The following IGSF10 variants were observed in gnomAD, a reference collection of about 807,000 sequenced individuals.
IGSF10 encodes immunoglobulin superfamily member 10.
Under a neutral mutation model 128.2 loss-of-function variants are expected in IGSF10, and 126 were observed. That is an observed-to-expected ratio of 0.98 (90% CI 0.85 to 1.14). IGSF10 has a LOEUF of 1.14. Ranked by LOEUF, IGSF10 falls within the 50% of genes most tolerant of loss-of-function variation. IGSF10 has a pLI of 0.00. For missense variants in IGSF10, 3,295 were observed against 3,149.8 expected, an observed-to-expected ratio of 1.05 and a Z score of -1.10; for synonymous variants, 1,185 against 1,146.2, an observed-to-expected ratio of 1.03 and a Z score of -0.68.
the IGSF10 span, among the ~76,000 whole-genome samples, chr3:151,542,282 CATAAT>C: frequency 3.9e-5 from 6 of 152,008 alleles, no homozygotes; most frequent in Admixed American, 6.6e-5. Context: ...TAATATTGGA[CATAAT>C]ATAAGACACA....
intron 7 of IGSF10, among the ~76,000 whole-genome samples, chr3:151,442,276 C>T (rs575921503): frequency 2.6e-5 from 4 of 151,744 alleles, no homozygotes; most frequent in East Asian, 1.9e-4. Context: ...GGGACTCAGA[C>T]GAGTAAAATA....
chr3:151,514,226 A>G, the IGSF10 span, among the ~76,000 whole-genome samples: 1 of 152,284 alleles, frequency 6.6e-6, no homozygotes, highest in African/African-American at 2.4e-5. Flanking sequence ...AAACTATACT[A>G]CAAGGTTACA....
chr3:151,434,473 C>T (rs770864400), downstream of IGSF10: 13 of 152,206 alleles, frequency 8.5e-5, no homozygotes, highest in Admixed American at 2.6e-4. Context: ...TTTGCCAAAA[C>T]ATTAAAAACT....
the IGSF10 span, among the ~76,000 whole-genome samples, chr3:151,570,509 G>A: frequency 1.3e-5 from 2 of 152,170 alleles, no homozygotes; most frequent in Non-Finnish European, 2.9e-5. Context: ...TTTTTCATGT[G>A]TCTGTTGGCT....
At chr3:151,526,074 G>A in the IGSF10 span, among the ~76,000 whole-genome samples, 4 of 152,170 alleles carry the variant, frequency 2.6e-5, no homozygotes, top group Non-Finnish European at 5.9e-5. Flanking sequence ...GAGCATCTTA[G>A]TGTCAGGAGT....
rs757122062 is a variant in IGSF10, at chr3:151,453,684, T to C, written c.415A>G (p.Asn139Asp). 2 of 1,612,788 alleles carry C rather than the reference T, an allele frequency of 1.2e-6. No individual in the cohort carries two copies. The highest frequency in any genetic ancestry group is 1.7e-6 in the Non-Finnish European group (2 of 1,178,858). ...RSLTRLHMDH[N>D]NIEFINPEVF... ...TCTGGGTTTATAAACTCAATATTGTTGTGGTCCATGTGCAATCGTGTCAAG... is the reference window on the plus strand; with the variant it reads ...TCTGGGTTTATAAACTCAATATTGTCGTGGTCCATGTGCAATCGTGTCAAG... The change falls in exon 5 of 8, where the codon AAC (asparagine) becomes GAC (aspartate). Residue 139 changes from asparagine to aspartate, a missense_variant. By Grantham distance (23) the Asn-to-Asp change is conservative. Coordinates refer to ENST00000282466, the MANE Select transcript of IGSF10 (RefSeq NM_178822.5).
Position 151,447,678 on chromosome 3 carries a change from A to G in IGSF10, c.2303T>C (p.Met768Thr). ...TGTGGTATTTTCTCGCTTGTCTGGC[A>G]TAGCATTCTTTTTAGCTTTCTCCAA... is the stretch of plus-strand genomic sequence containing the variant. ...ALLEKAKKNA[M>T]PDKRENTTVS... The change falls in exon 6 of 8, where the codon ATG becomes ACG. Residue 768 changes from methionine to threonine, a missense_variant. Physicochemically the swap from Met to Thr is moderately conservative, Grantham distance 81. Coordinates refer to ENST00000282466, the MANE Select transcript of IGSF10 (RefSeq NM_178822.5). The G allele has an allele frequency of 6.2e-7, 1 of 1,614,164 alleles. No individual in the cohort carries two copies. Among genetic ancestry groups the G allele is most frequent in the Non-Finnish European group, 8.5e-7 (1 of 1,180,036 alleles).
At chr3:151,570,473 C>A in the IGSF10 span, among the ~76,000 whole-genome samples, 33 of 152,318 alleles carry the variant, frequency 2.2e-4, no homozygotes, top group South Asian at 2.3e-3. Context: ...ATTTGCATTT[C>A]TCTGATGGCC....
downstream of IGSF10, chr3:151,434,992 T>TAAAG (rs1719943233): frequency 6.8e-6 from 1 of 148,056 alleles, no homozygotes; most frequent in South Asian, 2.1e-4. Context: ...CTGCGCATTA[T>TAAAG]AAAGAAAATA....
the IGSF10 span, among the ~76,000 whole-genome samples, chr3:151,494,783 T>A: frequency 1.3e-5 from 2 of 152,156 alleles, no homozygotes; most frequent in Non-Finnish European, 2.9e-5. Context: ...TATGTCTCTA[T>A]AAAATTCATG....
the IGSF10 span, among the ~76,000 whole-genome samples, chr3:151,606,343 G>A: frequency 1.2e-4 from 18 of 152,082 alleles, no homozygotes; most frequent in South Asian, 1.5e-3. Context: ...AAGACAAACC[G>A]GTAAGCTTTT....
At chr3:151,487,124 T>A in the IGSF10 span, among the ~76,000 whole-genome samples, 2 of 151,454 alleles carry the variant, frequency 1.3e-5, no homozygotes, top group Non-Finnish European at 2.9e-5. Flanking sequence ...ATCAAATAGG[T>A]GCAATAAAAA....
chr3:151,518,598 T>TCAAAATATATATCCA, the IGSF10 span, among the ~76,000 whole-genome samples: 1 of 151,968 alleles, frequency 6.6e-6, no homozygotes, highest in African/African-American at 2.4e-5. Flanking sequence ...AGAGAGGGTG[T>TCAAAATATATATCCA]TTTTCAAAAT....
At chr3:151,549,859 CTTA>C in the IGSF10 span, among the ~76,000 whole-genome samples, 5 of 152,014 alleles carry the variant, frequency 3.3e-5, no homozygotes, top group Non-Finnish European at 7.4e-5. Context: ...AATTCCTTTT[CTTA>C]TAAGAGTATT....
At chr3:151,551,784 TATTA>T in the IGSF10 span, among the ~76,000 whole-genome samples, 168 of 152,248 alleles carry the variant, frequency 1.1e-3, 1 homozygote, top group Admixed American at 9.6e-3. Context: ...GCAATTTAAA[TATTA>T]ATTGAGGATC....
At chr3:151,485,918 A>G in the IGSF10 span, among the ~76,000 whole-genome samples, 1 of 152,210 alleles carries the variant, frequency 6.6e-6, no homozygotes, top group Non-Finnish European at 1.5e-5. Flanking sequence ...ACCAGCTAGC[A>G]TCATAATGCC....
the IGSF10 span, among the ~76,000 whole-genome samples, chr3:151,618,659 G>A: frequency 6.6e-6 from 1 of 151,612 alleles, no homozygotes; most frequent in African/African-American, 2.4e-5. Flanking sequence ...GAACCCAGGA[G>A]GCGGAGCTTA....
intron 7 of IGSF10, among the ~76,000 whole-genome samples, chr3:151,441,725 A>G (rs778675240): frequency 6.6e-6 from 1 of 152,188 alleles, no homozygotes; most frequent in Non-Finnish European, 1.5e-5. Context: ...AGCTATAATT[A>G]TTGATTTTTG....
the IGSF10 span, among the ~76,000 whole-genome samples, chr3:151,511,119 C>A: frequency 6.6e-6 from 1 of 152,028 alleles, no homozygotes. Flanking sequence ...GAGAACGCCA[C>A]AAAGATACTC....
Sources: gnomAD v4.1 joint callset for allele counts (sites outside exome capture counted in the v4.1 genomes callset) on GRCh38, gnomAD v4.1.1 for gene constraint, MANE v1.5 for transcripts, NCBI Gene and HGNC (gene_info 2026-07-23, HGNC 2026-07-21) for gene names.